USP39: variants seen among roughly 807,000 people sequenced by gnomAD.
USP39 encodes the protein ubiquitin specific peptidase 39, also known as ubiquitin carboxyl-terminal hydrolase 39.
A neutral mutation model predicts 66.4 loss-of-function variants in USP39; 38 were observed. The ratio of observed to expected loss-of-function variants is 0.57; its 90% CI spans 0.44 to 0.75. The LOEUF (loss-of-function observed/expected upper bound fraction) is 0.75, where lower values mean the gene tolerates loss of function less well. Among genes scored for constraint, USP39 ranks in the 30% least tolerant of loss-of-function variants. The pLI is 0.00. For synonymous variants in USP39, 303 were observed against 274.6 expected, an observed-to-expected ratio of 1.10 and a Z score of -1.02; for missense variants, 608 against 714.4, an observed-to-expected ratio of 0.85 and a Z score of 1.70.
At chr2:85,610,038 G>A (rs899782936), upstream of USP39, among the ~76,000 whole-genome samples, 1 of 135,328 alleles carries the variant, frequency 7.4e-6, no homozygotes, top group African/African-American at 3.0e-5. Context: ...TTTTTGAGAC[G>A]GAGTCTTGCT....
chr2:85,641,098 T>C lies in USP39; in HGVS notation c.1407T>C (p.Thr469=). ...KNNFFVEKNP[T]IVNFPITNVD... is the part of the protein sequence containing the mutation. Reference sequence around the variant, plus strand: ...ACTTCTTTGTTGAGAAGAATCCAACTATTGTCAATTTCCCTATTACGTAAG... The same window carrying C: ...ACTTCTTTGTTGAGAAGAATCCAACCATTGTCAATTTCCCTATTACGTAAG... Residue 469 remains threonine (T), a synonymous_variant, in exon 10 of 13, where the codon ACT becomes ACC. Transcript: ENST00000323701. The C allele has an allele frequency of 6.2e-7, 1 of 1,612,964 alleles. No homozygotes were observed. Among genetic ancestry groups the C allele is most frequent in the Non-Finnish European group, 8.5e-7 (1 of 1,179,702 alleles).
At chr2:85,631,739 T>C (rs1675357678) in intron 6 of USP39, among the ~76,000 whole-genome samples, 1 of 151,942 alleles carries the variant, frequency 6.6e-6, no homozygotes, top group Non-Finnish European at 1.5e-5. Flanking sequence ...ATTTTTGTTT[T>C]GTTTTGTTTT....
rs1379076001 is a variant in USP39, at chr2:85,648,000, C to T, written c.1634C>T (p.Ser545Leu). The T allele has an allele frequency of 1.2e-6, 2 of 1,614,118 alleles. No individual in the cohort carries two copies. The highest frequency in any genetic ancestry group is 3.3e-5 in the Admixed American group (2 of 60,018). Residue 545 changes from serine (S) to leucine (L), a missense_variant, in exon 12 of 13, where the codon TCA becomes TTA. Physicochemically the swap from Ser to Leu is moderately radical, Grantham distance 145 (BLOSUM62 -2). Transcript: ENST00000323701. ...ATCCTTCCCCAGATGATCACACTGT[C>T]AGAGGCTTACATTCAGGTGGGTTGG... ...TDILPQMITL[S>L]EAYIQIWKRR...
chr2:85,610,587 G>A (rs1673444729), upstream of USP39: 1 of 152,044 alleles, frequency 6.6e-6, no homozygotes, highest in African/African-American at 2.4e-5. Flanking sequence ...GTTGTATAAA[G>A]ACTCAATGAA....
At chr2:85,621,709 C>T in intron 3 of USP39, 130 bp downstream of exon 3, 1 of 753,848 alleles carries the variant, frequency 1.3e-6, no homozygotes, top group Non-Finnish European at 2.1e-6. Flanking sequence ...TTGAAATATT[C>T]TTAGAAAACC....
chr2:85,612,573 C>T (rs1266314859), upstream of USP39, among the ~76,000 whole-genome samples: 3 of 152,236 alleles, frequency 2.0e-5, no homozygotes, highest in Non-Finnish European at 2.9e-5. Context: ...CTCCTGCTCA[C>T]GGCGCCGATG....
chr2:85,622,412 C>T (rs538399192), intron 3 of USP39, among the ~76,000 whole-genome samples: 57 of 151,964 alleles, frequency 3.8e-4, no homozygotes, highest in African/African-American at 1.2e-3. Context: ...CATGAGCCAC[C>T]GTGCACGGCC....
At chr2:85,648,083 C>A in intron 12 of USP39, 67 bp downstream of exon 12, 3 of 1,551,490 alleles carry the variant, frequency 1.9e-6, no homozygotes, top group Non-Finnish European at 8.9e-7. Flanking sequence ...AGGAGTGGGC[C>A]AAGGCAGGAA....
chr2:85,643,058 A>T (rs1384639164), intron 10 of USP39, among the ~76,000 whole-genome samples: 10 of 151,730 alleles, frequency 6.6e-5, no homozygotes, highest in African/African-American at 2.2e-4. Flanking sequence ...ACAACATAGC[A>T]AGACCTTGTC....
intron 10 of USP39, among the ~76,000 whole-genome samples, chr2:85,643,773 G>C (rs1188524353): frequency 3.3e-5 from 5 of 151,564 alleles, no homozygotes; most frequent in Non-Finnish European, 5.9e-5. Context: ...TCAGCCTCCG[G>C]AATAGGTGGG....
At chr2:85,609,142 T>C (rs966187273), upstream of USP39, 51 of 1,568,592 alleles carry the variant, frequency 3.3e-5, no homozygotes, top group South Asian at 5.7e-4. Flanking sequence ...CCCTAAACAC[T>C]CTCACAGAAC....
chr2:85,612,281 T>TA, upstream of USP39: 1 of 1,529,432 alleles, frequency 6.5e-7, no homozygotes, highest in Non-Finnish European at 8.8e-7. Flanking sequence ...TTACAGCTGA[T>TA]ACCAGAACCT....
chr2:85,608,816 C>A, upstream of USP39: 1 of 1,306,650 alleles, frequency 7.7e-7, no homozygotes, highest in South Asian at 1.4e-5. Flanking sequence ...CTGCAACACC[C>A]TATGGATGCA....
chr2:85,611,165 A>AC (rs1673495643), upstream of USP39: 1 of 850,828 alleles, frequency 1.2e-6, no homozygotes, highest in Admixed American at 4.8e-5. Context: ...CCCAGATCGC[A>AC]CCATTGCACT....
chr2:85,609,312 A>T, upstream of USP39: 1 of 1,401,448 alleles, frequency 7.1e-7, no homozygotes, highest in Non-Finnish European at 9.7e-7. Context: ...CGGCAGGCCT[A>T]GACTCACATG....
chr2:85,623,681 G>A lies in USP39; in HGVS notation c.469G>A (p.Val157Ile). Residue 157 changes from valine (V) to isoleucine (I), a missense_variant, in exon 4 of 13, where the codon GTC becomes ATC. Physicochemically the swap from Val to Ile is conservative, Grantham distance 29 (BLOSUM62 3). This residue lies in a region of USP39 where 115 missense variants were observed against 198.6 expected (regional missense o/e 0.58). Coordinates refer to ENST00000323701, the MANE Select transcript of USP39 (RefSeq NM_006590.4). ...GAAGTCTCACGCCTACATTCACAGTGTCCAGTTTAGCCACCATGTTTTCCT... is the reference window on the plus strand; with the variant it reads ...GAAGTCTCACGCCTACATTCACAGTATCCAGTTTAGCCACCATGTTTTCCT... ...GLKSHAYIHS[V>I]QFSHHVFLNL... 6.2e-7 allele frequency: 1 copy of A among 1,613,944 alleles called. No individual in the cohort carries two copies. The highest frequency in any genetic ancestry group is 1.1e-5 in the South Asian group (1 of 91,014).
intron 2 of USP39, among the ~76,000 whole-genome samples, chr2:85,620,436 G>A (rs1324896729): frequency 1.3e-5 from 2 of 151,116 alleles, no homozygotes; most frequent in African/African-American, 4.9e-5. Flanking sequence ...CTGAGATTGC[G>A]CCACTGTACT....
upstream of USP39, chr2:85,608,135 G>A (rs985671420): frequency 2.0e-5 from 3 of 152,224 alleles, no homozygotes; most frequent in Admixed American, 6.5e-5. Flanking sequence ...CAAGTTGAAA[G>A]TTGGAATTCT....
At chr2:85,621,253 T>C (rs1674435633) in intron 2 of USP39, 1 of 421,938 alleles carries the variant, frequency 2.4e-6, no homozygotes, top group Non-Finnish European at 4.3e-6. Context: ...CAAACACTAA[T>C]GAGAAAGAGG....
Sources: gnomAD v4.1 joint callset for allele counts (sites outside exome capture counted in the v4.1 genomes callset) on GRCh38, gnomAD v4.1.1 for gene constraint, gnomAD v4.1.1 regional missense constraint, MANE v1.5 for transcripts, NCBI Gene and HGNC (gene_info 2026-07-23, HGNC 2026-07-21) for gene names.